The following EPB41L4A variants were observed in gnomAD, a reference collection of about 807,000 sequenced individuals.
EPB41L4A encodes the protein band 4.1-like protein 4A.
A neutral mutation model predicts 108.6 loss-of-function variants in EPB41L4A; 100 were observed. That is an observed-to-expected ratio of 0.92 (90% CI 0.78 to 1.09). The LOEUF is 1.09. Ranked by LOEUF, EPB41L4A falls within the 50% of genes least tolerant of loss-of-function variation. EPB41L4A has a pLI of 0.00. For synonymous variants in EPB41L4A, 319 were observed against 289.0 expected (o/e 1.10, Z -1.05); for missense variants, 1,030 against 842.7 (o/e 1.22, Z -2.75).
intron 1 of EPB41L4A, among the ~76,000 whole-genome samples, chr5:112,405,414 G>A (rs1440406434): frequency 2.0e-5 from 3 of 152,142 alleles, no homozygotes; most frequent in Non-Finnish European, 4.4e-5. Flanking sequence ...GATAAATACT[G>A]GTTCTTTTAA....
chr5:112,216,096 A>G (rs1393850617), intron 12 of EPB41L4A, among the ~76,000 whole-genome samples: 2 of 152,202 alleles, frequency 1.3e-5, no homozygotes, highest in African/African-American at 4.8e-5. Context: ...TTCTGTTCAC[A>G]TTTGAGTACC....
chr5:112,309,539 C>T (rs1042002151), intron 1 of EPB41L4A, among the ~76,000 whole-genome samples: 5 of 152,156 alleles, frequency 3.3e-5, no homozygotes, highest in Admixed American at 1.3e-4. Flanking sequence ...GGAAATTTTA[C>T]ACTTTTGATG....
At chr5:112,157,049 T>TA (rs1476783017) in intron 12 of EPB41L4A, among the ~76,000 whole-genome samples, 1 of 150,574 alleles carries the variant, frequency 6.6e-6, no homozygotes, top group East Asian at 2.0e-4. Flanking sequence ...AAAGACATTA[T>TA]AAAAAATATA....
chr5:112,309,952 C>T (rs1239429645), intron 1 of EPB41L4A, among the ~76,000 whole-genome samples: 3 of 152,130 alleles, frequency 2.0e-5, no homozygotes, highest in Non-Finnish European at 4.4e-5. Flanking sequence ...ACCACAAAAG[C>T]GGGATTCTGC....
At chr5:112,368,613 C>T (rs570010764) in intron 1 of EPB41L4A, among the ~76,000 whole-genome samples, 4 of 152,092 alleles carry the variant, frequency 2.6e-5, no homozygotes, top group Non-Finnish European at 5.9e-5. Flanking sequence ...AACCACTGTT[C>T]TACTGCACCT....
At chr5:112,317,803 G>A (rs1256629887) in intron 1 of EPB41L4A, among the ~76,000 whole-genome samples, 1 of 152,044 alleles carries the variant, frequency 6.6e-6, no homozygotes, top group African/African-American at 2.4e-5. Context: ...TATTTTTGTT[G>A]ACAAGTAATT....
At chr5:112,392,059 G>T (rs1479269549) in intron 1 of EPB41L4A, among the ~76,000 whole-genome samples, 1 of 152,070 alleles carries the variant, frequency 6.6e-6, no homozygotes, top group Admixed American at 6.6e-5. Context: ...TGGCTTACAA[G>T]AGCTCCTGAA....
At chr5:112,316,959 C>T (rs2150608438) in intron 1 of EPB41L4A, among the ~76,000 whole-genome samples, 1 of 152,300 alleles carries the variant, frequency 6.6e-6, no homozygotes, top group East Asian at 1.9e-4. Context: ...CTCCAAGAGA[C>T]AAACAGGGGA....
downstream of EPB41L4A, chr5:112,161,792 T>A (rs1001803100): frequency 3.0e-6 from 1 of 329,586 alleles, no homozygotes; most frequent in East Asian, 7.6e-5. Flanking sequence ...TGATATGTCT[T>A]AAAGCACTTT....
chr5:112,357,297 T>C (rs1580749317), intron 1 of EPB41L4A, among the ~76,000 whole-genome samples: 1 of 152,352 alleles, frequency 6.6e-6, no homozygotes, highest in African/African-American at 2.4e-5. Context: ...CGACCTGAGC[T>C]GCCCATAATA....
In EPB41L4A at chr5:112,205,409, G is replaced by T; in HGVS notation, c.1262+12C>A. 1.2e-6 allele frequency: 2 copies of T among 1,606,292 alleles called. No homozygotes were observed. The highest frequency in any genetic ancestry group is 1.7e-6 in the Non-Finnish European group (2 of 1,173,042). Reference sequence around the variant, plus strand: ...CTACTGTCTCCTTTATAAAAACAATGATTCCCTTTACCTCTGGGGGCCATT... The same window carrying T: ...CTACTGTCTCCTTTATAAAAACAATTATTCCCTTTACCTCTGGGGGCCATT... On this transcript the variant is annotated intron_variant, in intron 14 of 22. Coordinates refer to ENST00000261486, the MANE Select transcript of EPB41L4A (RefSeq NM_022140.5).
chr5:112,368,267 C>G (rs1321449865), intron 1 of EPB41L4A, among the ~76,000 whole-genome samples: 5 of 152,060 alleles, frequency 3.3e-5, no homozygotes, highest in African/African-American at 1.2e-4. Flanking sequence ...GTAAAATATT[C>G]CCTCATCCCC....
intron 15 of EPB41L4A, among the ~76,000 whole-genome samples, chr5:112,198,663 A>T (rs1302655423): frequency 1.3e-5 from 2 of 151,848 alleles, no homozygotes; most frequent in Non-Finnish European, 2.9e-5. Context: ...TATTATTCTT[A>T]TTTCCATACA....
At chr5:112,252,258 A>G (rs563145071) in intron 9 of EPB41L4A, among the ~76,000 whole-genome samples, 1 of 152,236 alleles carries the variant, frequency 6.6e-6, no homozygotes, top group South Asian at 2.1e-4. Context: ...TATGTGTATT[A>G]GGGTCTATGT....
At chr5:112,416,504 A>G (rs1270281311) in intron 1 of EPB41L4A, among the ~76,000 whole-genome samples, 1 of 152,188 alleles carries the variant, frequency 6.6e-6, no homozygotes, top group African/African-American at 2.4e-5. Flanking sequence ...TTTGAAAAAT[A>G]GAGATTTTTC....
At chr5:112,416,862 T>C (rs1762744906) in intron 1 of EPB41L4A, among the ~76,000 whole-genome samples, 1 of 152,324 alleles carries the variant, frequency 6.6e-6, no homozygotes, top group Admixed American at 6.5e-5. Context: ...TTTATAAATA[T>C]GCAAATATAT....
rs60242363 is a variant in EPB41L4A at position 112,324,720 on chromosome 5, TAA to T, written c.100-17232_100-17231del. Reference sequence around the variant, plus strand: ...CTGGGTGACAGAGTGAGAGTCTGTCTAAAAAAAAAAAAAAAAAAAATTAAAGC... The same window carrying T: ...CTGGGTGACAGAGTGAGAGTCTGTCTAAAAAAAAAAAAAAAAAATTAAAGC... On this transcript the variant is annotated intron_variant, in intron 1 of 22. Coordinates refer to ENST00000261486, the MANE Select transcript of EPB41L4A (RefSeq NM_022140.5). Among the ~76,000 whole-genome samples the T allele has an allele frequency of 6.5e-3, 658 of 101,710 alleles. 4 individuals carry two copies. The highest frequency in any genetic ancestry group is 9.6e-3 in the African/African-American group (268 of 27,934). The allele number at this position is 101,710 out of a possible 152,430, so 66.7% of individuals were successfully genotyped here.
intron 2 of EPB41L4A, among the ~76,000 whole-genome samples, chr5:112,297,978 T>G (rs191024464): frequency 1.3e-5 from 2 of 152,304 alleles, no homozygotes; most frequent in Admixed American, 6.5e-5. Flanking sequence ...TCTATTCCAT[T>G]GGTCTATGTC....
chr5:112,294,207 T>C (rs1232875937), intron 2 of EPB41L4A, among the ~76,000 whole-genome samples: 11 of 152,240 alleles, frequency 7.2e-5, no homozygotes, highest in Admixed American at 7.2e-4. Flanking sequence ...TTTTCTTTTT[T>C]TTTAAATGTA....
Sources: gnomAD v4.1 joint callset for allele counts (sites outside exome capture counted in the v4.1 genomes callset) on GRCh38, gnomAD v4.1.1 for gene constraint, MANE v1.5 for transcripts, NCBI Gene and HGNC (gene_info 2026-07-23, HGNC 2026-07-21) for gene names.